Variants in MYLK2 observed in about 807,000 individuals in gnomAD.
MYLK2 encodes the protein myosin light chain kinase 2, skeletal/cardiac muscle.
In MYLK2, 27 loss-of-function variants were observed where a neutral mutation model predicts 58.2. That is an observed-to-expected ratio of 0.46 (90% confidence interval 0.34 to 0.64). The LOEUF (loss-of-function observed/expected upper bound fraction) is 0.64. Among genes scored for constraint, MYLK2 ranks in the 30% least tolerant of loss-of-function variants. The pLI is 0.01. For synonymous variants in MYLK2, 310 were observed against 296.7 expected, an observed-to-expected ratio of 1.04 and a Z score of -0.46; for missense variants, 676 against 764.3, an observed-to-expected ratio of 0.88 and a Z score of 1.36.
At position 31,820,557 on chromosome 20, in the gene MYLK2, C is replaced by T. The variant is rs373880854; in HGVS notation, c.473+11C>T. 4.5e-5 allele frequency: 72 copies of T among 1,599,336 alleles called. No individual in the cohort carries two copies. The African/African-American group carries it at 7.6e-4, about 17-fold the overall frequency. On this transcript the variant is annotated intron_variant, in intron 3 of 12. Coordinates refer to ENST00000375985, the MANE Select transcript of MYLK2 (RefSeq NM_033118.4). ...TGCCATCATCTCCAGGTGAATATCCCCTCCTGGGAGTGGGGAGGGGTCCTG... is the reference window on the plus strand; with the variant it reads ...TGCCATCATCTCCAGGTGAATATCCTCTCCTGGGAGTGGGGAGGGGTCCTG...
rs551540394 is a variant in MYLK2, at chr20:31,834,038, C to T, written c.*241C>T. ...AGCACCTCCCCAGACAGGGCTCCAG[C>T]CTGTCGGCCACACCCCAGACTCCAG... On this transcript the variant is annotated 3_prime_UTR_variant, in exon 13 of 13. Coordinates refer to ENST00000375985, the MANE Select transcript of MYLK2 (RefSeq NM_033118.4). 9 of 554,426 alleles carry T rather than the reference C, an allele frequency of 1.6e-5. No homozygotes were observed. The highest frequency in any genetic ancestry group is 1.5e-4 in the African/African-American group (8 of 52,896). The allele number at this position is 554,426 out of a possible 1,614,324, so 34.3% of individuals were successfully genotyped here.
At chr20:31,824,515 C>T in intron 6 of MYLK2, 163 bp downstream of exon 6, 12 of 985,452 alleles carry the variant, frequency 1.2e-5, no homozygotes, top group Non-Finnish European at 1.3e-5. Flanking sequence ...GACAGCCCTG[C>T]AGCAGGGGCC....
chr20:31,827,110 C>T lies in MYLK2; in HGVS notation c.1224+172C>T, dbSNP rs527891330. 19 of 979,680 alleles carry T rather than the reference C, an allele frequency of 1.9e-5. No individual in the cohort carries two copies. In the Admixed American group the frequency reaches 4.3e-4, roughly 22 times the overall value. 60.7% of individuals were successfully genotyped at this position (979,680 alleles called of 1,614,324 possible). ...GGAATACTTACCAAGTGCCAGGAGC[C>T]GGGGGCACAGCAAAGAGAGAGAGGG... On this transcript the variant is annotated intron_variant, in intron 8 of 12. Coordinates refer to ENST00000375985, the MANE Select transcript of MYLK2 (RefSeq NM_033118.4).
intron 10 of MYLK2, 127 bp downstream of exon 10, chr20:31,831,268 C>T: frequency 1.4e-6 from 2 of 1,433,466 alleles, no homozygotes; most frequent in South Asian, 1.2e-5. Context: ...CAGGGGTTTG[C>T]TGGGGTTGGG....
Position 31,819,642 on chromosome 20 carries a change from T to A in MYLK2, c.52+10T>A. ...CAGAACCCATCAACAGGTGCCAAGC[T>A]GGGGCAGGAGATGGAGGGAGGAGCT... On this transcript the variant is annotated intron_variant, in intron 2 of 12. Transcript: ENST00000375985. The A allele has an allele frequency of 6.4e-7, 1 of 1,551,438 alleles. No homozygotes were observed. The highest frequency in any genetic ancestry group is 8.7e-7 in the Non-Finnish European group (1 of 1,146,966).
chr20:31,831,637 C>T (rs746728443), intron 10 of MYLK2, 66 bp from the exon 11 acceptor site: 49 of 1,575,416 alleles, frequency 3.1e-5, no homozygotes, highest in Non-Finnish European at 3.8e-5. Flanking sequence ...CTGTTCCCTA[C>T]CCCTCTGAAG....
At chr20:31,831,607 C>A in intron 10 of MYLK2, 96 bp from the exon 11 acceptor site, 1 of 1,419,590 alleles carries the variant, frequency 7.0e-7, no homozygotes, top group Non-Finnish European at 9.9e-7. Flanking sequence ...GCACACGGTG[C>A]TGCCTCCTAG....
rs28763881 is a variant in MYLK2 at position 31,832,256 on chromosome 20, C to T, written c.1710+120C>T. 0.07 allele frequency: 97,437 copies of T among 1,391,064 alleles called. 3,815 individuals carry two copies. Among genetic ancestry groups the T allele is most frequent in the African/African-American group, 0.14 (9,581 of 70,086 alleles). The allele number at this position is 1,391,064 out of a possible 1,614,324, so 86.2% of individuals were successfully genotyped here. ...TCTGTTGACCAGGCTGGGCCCTGTC[C>T]GGAAGACAGGGTTGACTTTTCTGTT... On this transcript the variant is annotated intron_variant, in intron 12 of 12. Coordinates refer to ENST00000375985, the MANE Select transcript of MYLK2 (RefSeq NM_033118.4).
At chr20:31,827,509 G>T (rs1332532297) in intron 8 of MYLK2, 1 of 985,246 alleles carries the variant, frequency 1.0e-6, no homozygotes, top group Non-Finnish European at 1.2e-6. Flanking sequence ...TTTCGTGAAA[G>T]AATATTGATA....
chr20:31,831,950 C>T, intron 11 of MYLK2, 54 bp from the exon 12 acceptor site: 1 of 1,612,934 alleles, frequency 6.2e-7, no homozygotes, highest in Non-Finnish European at 8.5e-7. Flanking sequence ...CCAGCTGAGC[C>T]CCTGGGGCCT....
intron 8 of MYLK2, 89 bp downstream of exon 8, chr20:31,827,027 C>A: frequency 6.3e-7 from 1 of 1,584,312 alleles, no homozygotes; most frequent in Non-Finnish European, 8.6e-7. Flanking sequence ...TCTGCCCTCC[C>A]ATCCCTCCAT....
At chr20:31,823,399 C>A in intron 4 of MYLK2, 78 bp from the exon 5 acceptor site, 2 of 1,347,014 alleles carry the variant, frequency 1.5e-6, no homozygotes. Context: ...GGGGCCCAGG[C>A]CAGCAGGAGG....
rs755539106 is a variant in MYLK2, at chr20:31,823,518, G to A, written c.814G>A (p.Val272Met). 2 of 1,613,816 alleles carry A rather than the reference G, an allele frequency of 1.2e-6. No homozygotes were observed. Among genetic ancestry groups the A allele is most frequent in the East Asian group, 2.2e-5 (1 of 44,884 alleles). Residue 272 changes from valine to methionine, a missense_variant, in exon 5 of 13, where the codon GTG (valine) becomes ATG (methionine). Physicochemically the swap from Val to Met is conservative, Grantham distance 21. Transcript: ENST00000375985. ...TCCGGCCCCCTTCCCTCACCGCATG[G>A]TGGAGCTGAGGACCGGGAATGTCAG... The part of the protein sequence containing the change: ...PPPAPFPHRM[V>M]ELRTGNVSSE...
intron 8 of MYLK2, chr20:31,827,139 GA>G (rs995934992): frequency 1.5e-3 from 1,265 of 871,858 alleles, no homozygotes; most frequent in South Asian, 5.6e-3. Flanking sequence ...GAGAGGGGGG[GA>G]AAAAAAAAAG....
Position 31,827,710 on chromosome 20 carries a change from G to C in MYLK2, c.1224+772G>C, listed in dbSNP as rs554251793. Reference sequence around the variant, plus strand: ...ATTTTTGCAGTTTTAGTAGAGACAGGGTTTCACCATGTTGGCCAGGCTGAT... The same window carrying C: ...ATTTTTGCAGTTTTAGTAGAGACAGCGTTTCACCATGTTGGCCAGGCTGAT... On this transcript the variant is annotated intron_variant, in intron 8 of 12. Coordinates refer to ENST00000375985, the MANE Select transcript of MYLK2 (RefSeq NM_033118.4). 9.2e-5 allele frequency among the ~76,000 whole-genome samples: 14 copies of C among 151,570 alleles called. No homozygotes were observed. The South Asian group carries it at 1.0e-3, about 11-fold the overall frequency.
chr20:31,824,498 A>G lies in MYLK2; in HGVS notation c.972+146A>G, dbSNP rs529890802. On this transcript the variant is annotated intron_variant, in intron 6 of 12. Transcript: ENST00000375985. ...GTGAAAATACTACACAGATAGAGAG[A>G]TGGATGGACAGCCCTGCAGCAGGGG... 3.3e-6 allele frequency: 5 copies of G among 1,507,174 alleles called. No homozygotes were observed. In the East Asian group the frequency reaches 7.4e-5, roughly 22 times the overall value. The allele number at this position is 1,507,174 out of a possible 1,614,324, so 93.4% of individuals were successfully genotyped here. A position where few individuals can be genotyped will look rare whatever the true frequency, so the allele number is the denominator to read the frequency against.
chr20:31,819,630 C>T lies in MYLK2; in HGVS notation c.50C>T (p.Thr17Ile), dbSNP rs192056427. 4 of 1,551,582 alleles carry T rather than the reference C, an allele frequency of 2.6e-6. No homozygotes were observed. In the South Asian group the frequency reaches 4.8e-5, roughly 18 times the overall value. Residue 17 changes from threonine (T) to isoleucine (I), a missense_variant and splice_region_variant, in exon 2 of 13, where the codon ACA becomes ATA. Around this residue, in one of 2 missense-constraint regions of MYLK2, gnomAD observed 306 missense variants for 296.5 expected, o/e 1.03. Coordinates refer to ENST00000375985, the MANE Select transcript of MYLK2 (RefSeq NM_033118.4). ...GAGCTGGGAATTCAGAACCCATCAA[C>T]AGGTGCCAAGCTGGGGCAGGAGATG... Reference protein sequence around the residue: ...AVELGIQNPSTDKAPKGPTGE... With the variant: ...AVELGIQNPSIDKAPKGPTGE...
At chr20:31,832,192 T>G in intron 12 of MYLK2, 56 bp downstream of exon 12, 1 of 1,580,704 alleles carries the variant, frequency 6.3e-7, no homozygotes, top group Non-Finnish European at 8.6e-7. Flanking sequence ...GAGCTCCTGG[T>G]GCCAGATCCC....
intron 8 of MYLK2, among the ~76,000 whole-genome samples, chr20:31,830,086 T>C (rs1225073165): frequency 1.3e-5 from 2 of 152,226 alleles, no homozygotes; most frequent in Non-Finnish European, 2.9e-5. Context: ...GTTCATTTCC[T>C]GGCTCCGTCG....
Sources: gnomAD v4.1 joint callset for allele counts (sites outside exome capture counted in the v4.1 genomes callset) on GRCh38, gnomAD v4.1.1 for gene constraint, gnomAD v4.1.1 regional missense constraint, MANE v1.5 for transcripts, NCBI Gene and HGNC (gene_info 2026-07-23, HGNC 2026-07-21) for gene names.